The following TRIM9 variants were observed in gnomAD, a reference collection of about 807,000 sequenced individuals.
TRIM9 encodes the protein E3 ubiquitin-protein ligase TRIM9.
TRIM9 carries 26 observed loss-of-function variants against 78.3 expected under a neutral mutation model. That is an observed-to-expected ratio of 0.33 (90% CI 0.24 to 0.46). The LOEUF is 0.46. Ranked by LOEUF, TRIM9 falls within the 20% of genes least tolerant of loss-of-function variation. TRIM9 has a pLI of 1.00. For missense variants in TRIM9, 787 were observed against 1,036.4 expected, an observed-to-expected ratio of 0.76 and a Z score of 3.30; for synonymous variants, 398 against 416.5, an observed-to-expected ratio of 0.96 and a Z score of 0.54.
In TRIM9 at chr14:51,094,481, C is replaced by T; in HGVS notation, c.459G>A (p.Gly153=). 1 of 1,613,810 alleles carries T rather than the reference C, an allele frequency of 6.2e-7. No individual in the cohort carries two copies. Among genetic ancestry groups the T allele is most frequent in the Non-Finnish European group, 8.5e-7 (1 of 1,179,980 alleles). ...RGFPKNRVLE[G]VIDRYQQSKA... is the part of the protein sequence containing the mutation. ...TGCTCTGCTGGTAGCGGTCAATTAC[C>T]CCTTCCAGTACGCGATTCTTGGGGA... The change falls in exon 1 of 13, where the codon GGG becomes GGA. Residue 153 remains glycine (G), a synonymous_variant. Coordinates refer to ENST00000684578, the MANE Select transcript of TRIM9 (RefSeq NM_001387360.1).
Position 50,983,022 on chromosome 14 carries a change from T to C in TRIM9, c.1835-57A>G, listed in dbSNP as rs190805155. The C allele has an allele frequency of 8.6e-5, 130 of 1,506,110 alleles. 2 individuals carry two copies. The East Asian group carries it at 2.7e-3, about 32-fold the overall frequency. The allele number at this position is 1,506,110 out of a possible 1,614,324, so 93.3% of individuals were successfully genotyped here. A position where few individuals can be genotyped will look rare whatever the true frequency, so the allele number is the denominator to read the frequency against. On this transcript the variant is annotated intron_variant, in intron 9 of 12. Transcript: ENST00000684578. The stretch of plus-strand genomic sequence containing the variant: ...AGAGAGATAGGAAGCAAAATTGACA[T>C]GGATAAGAAAATGTGTCTCTCTTGA...
At position 51,026,754 on chromosome 14, in the gene TRIM9, T is replaced by C. The variant is rs185579907; in HGVS notation, c.823-1394A>G. Among the ~76,000 whole-genome samples, 83 of 150,974 alleles carry C rather than the reference T, an allele frequency of 5.5e-4. 1 individual carries two copies. In the East Asian group the frequency reaches 9.8e-3, roughly 18 times the overall value. On this transcript the variant is annotated intron_variant, in intron 1 of 12. Coordinates refer to ENST00000684578, the MANE Select transcript of TRIM9 (RefSeq NM_001387360.1). ...GCAATGTGGGATGGTAGAAAGAATA[T>C]AGGTTTGAAAGGGTGCAGATTCTCG...
intron 1 of TRIM9, among the ~76,000 whole-genome samples, chr14:51,062,097 A>C (rs540493181): frequency 6.6e-4 from 93 of 141,750 alleles, no homozygotes; most frequent in Non-Finnish European, 8.7e-4. Flanking sequence ...AAGTCCAATA[A>C]ATAAATTATT....
chr14:51,027,040 C>A (rs934374490), intron 1 of TRIM9, among the ~76,000 whole-genome samples: 1 of 151,596 alleles, frequency 6.6e-6, no homozygotes, highest in Non-Finnish European at 1.5e-5. Context: ...GTTTTGTGGG[C>A]ATTGCATAAG....
intron 1 of TRIM9, among the ~76,000 whole-genome samples, chr14:51,052,806 T>C (rs1476660426): frequency 6.6e-6 from 1 of 152,188 alleles, no homozygotes. Context: ...GTAGGTCTCC[T>C]CACTTTACTG....
At position 51,094,535 on chromosome 14, in the gene TRIM9, G is replaced by A. The variant is rs766994666; in HGVS notation, c.405C>T (p.Leu135=). The part of the protein sequence containing the change: ...CITCPQCHRS[L]ILDDRGLRGF... ...CGCGGAGCCCCCGGTCATCCAGGAT[G>A]AGGCTGCGGTGACACTGGGGGCAGG... is the stretch of plus-strand genomic sequence containing the variant. The change falls in exon 1 of 13, where the codon CTC becomes CTT. Residue 135 remains leucine (L), a synonymous_variant. Transcript: ENST00000684578. The A allele has an allele frequency of 6.2e-6, 10 of 1,613,314 alleles. No individual in the cohort carries two copies. Among genetic ancestry groups the A allele is most frequent in the African/African-American group, 2.7e-5 (2 of 74,940 alleles).
intron 1 of TRIM9, among the ~76,000 whole-genome samples, chr14:51,062,722 A>T (rs1306603393): frequency 1.3e-5 from 2 of 152,160 alleles, no homozygotes; most frequent in Non-Finnish European, 2.9e-5. Context: ...TCTGTATTTA[A>T]ATTCCACCTG....
intron 1 of TRIM9, among the ~76,000 whole-genome samples, chr14:51,031,176 AAAAG>A (rs373786798): frequency 6.5e-4 from 98 of 150,770 alleles, no homozygotes; most frequent in Non-Finnish European, 1.2e-3. Flanking sequence ...GAAAGAAAAG[AAAAG>A]AAAGAAAGAA....
chr14:51,052,491 G>A lies in TRIM9; in HGVS notation c.823-27131C>T, dbSNP rs563900328. Among the ~76,000 whole-genome samples the A allele has an allele frequency of 3.4e-4, 52 of 152,230 alleles. 1 individual carries two copies. Among genetic ancestry groups the A allele is most frequent in the African/African-American group, 1.0e-3 (43 of 41,548 alleles). ...ATTTTTGGCTGTTGTTGCTATTAGCGTCATTTAATTTATGTTTAATCCCTA... is the reference window on the plus strand; with the variant it reads ...ATTTTTGGCTGTTGTTGCTATTAGCATCATTTAATTTATGTTTAATCCCTA... On this transcript the variant is annotated intron_variant, in intron 1 of 12. Coordinates refer to ENST00000684578, the MANE Select transcript of TRIM9 (RefSeq NM_001387360.1).
intron 3 of TRIM9, among the ~76,000 whole-genome samples, chr14:51,015,508 T>TTC (rs1239348768): frequency 2.2e-5 from 1 of 46,494 alleles, no homozygotes; most frequent in African/African-American, 8.2e-5. Flanking sequence ...TACTTTTCTT[T>TTC]TTTTTTTTTT....
chr14:50,991,924 G>C (rs2053560650), intron 7 of TRIM9, among the ~76,000 whole-genome samples: 1 of 152,186 alleles, frequency 6.6e-6, no homozygotes, highest in South Asian at 2.1e-4. Flanking sequence ...GACTATTGCT[G>C]CTCCTTTGTA....
intron 1 of TRIM9, among the ~76,000 whole-genome samples, chr14:51,035,397 T>C (rs1480633669): frequency 6.6e-6 from 1 of 152,234 alleles, no homozygotes; most frequent in Admixed American, 6.5e-5. Flanking sequence ...TTTGAGTCTC[T>C]GAAAGAGTGC....
At chr14:51,062,102 ATTAT>A (rs34653117) in intron 1 of TRIM9, among the ~76,000 whole-genome samples, 29,815 of 151,424 alleles carry the variant, frequency 0.2, 3,065 homozygotes, top group Non-Finnish European at 0.24. Context: ...CAATAAATAA[ATTAT>A]TTATTTATGA....
Position 50,985,958 on chromosome 14 carries a change from G to C in TRIM9, c.1790C>G (p.Pro597Arg). The C allele has an allele frequency of 6.5e-7, 1 of 1,528,592 alleles. No individual in the cohort carries two copies. The highest frequency in any genetic ancestry group is 8.8e-7 in the Non-Finnish European group (1 of 1,135,758). 94.7% of individuals were successfully genotyped at this position (1,528,592 alleles called of 1,614,324 possible). Residue 597 changes from proline (P) to arginine (R), a missense_variant and splice_region_variant, in exon 8 of 13, where the codon CCG (proline) becomes CGG (arginine). Physicochemically the swap from Pro to Arg is moderately radical, Grantham distance 103 (BLOSUM62 -2). Coordinates refer to ENST00000684578, the MANE Select transcript of TRIM9 (RefSeq NM_001387360.1). Reference protein sequence around the residue: ...LHSSLQSLNAPGCNFETQSAP... With the variant: ...LHSSLQSLNARGCNFETQSAP... ...AAGGTCTGAGGAGCTCAGCTCACCCGGTGCATTGAGAGACTGTAAAGAGGA... is the reference window on the plus strand; with the variant it reads ...AAGGTCTGAGGAGCTCAGCTCACCCCGTGCATTGAGAGACTGTAAAGAGGA...
At chr14:51,031,730 G>A (rs1478495992) in intron 1 of TRIM9, among the ~76,000 whole-genome samples, 1 of 152,058 alleles carries the variant, frequency 6.6e-6, no homozygotes, top group African/African-American at 2.4e-5. Flanking sequence ...TTAGTGTCCA[G>A]CTAGTTAGTG....
In TRIM9 at chr14:50,998,062, G is replaced by A. The variant is rs1414802288; in HGVS notation, c.1591C>T (p.Gln531Ter). ...TGAAGGGCCTTACCCTCAGACGTTTGGAGGACCAGGGTCTTGCTGTACGGG... is the reference window on the plus strand; with the variant it reads ...TGAAGGGCCTTACCCTCAGACGTTTAGAGGACCAGGGTCTTGCTGTACGGG... ...VSPYSKTLVL[Q>*]TSEDTDSEEQ... Residue 531 changes from glutamine (Q) to a stop codon, truncating the protein, a stop_gained, in exon 7 of 13, where the codon CAA (glutamine) becomes TAA (stop). Transcript: ENST00000684578. LOFTEE classifies it high-confidence loss of function. The A allele has an allele frequency of 1.2e-6, 2 of 1,614,084 alleles. No individual in the cohort carries two copies. Among genetic ancestry groups the A allele is most frequent in the Non-Finnish European group, 1.7e-6 (2 of 1,180,042 alleles).
At chr14:51,004,047 A>G (rs1209760219) in intron 5 of TRIM9, among the ~76,000 whole-genome samples, 1 of 152,242 alleles carries the variant, frequency 6.6e-6, no homozygotes, top group Non-Finnish European at 1.5e-5. Flanking sequence ...AAAGGATAGC[A>G]TTACAGTTTC....
intron 4 of TRIM9, 73 bp from the exon 5 acceptor site, chr14:51,009,306 C>T (rs940608047): frequency 4.5e-6 from 7 of 1,571,336 alleles, no homozygotes; most frequent in South Asian, 1.2e-5. Flanking sequence ...CCCCTTGGCT[C>T]TCCAGGAGCA....
At chr14:51,087,553 T>C (rs2063881693) in intron 1 of TRIM9, among the ~76,000 whole-genome samples, 1 of 152,196 alleles carries the variant, frequency 6.6e-6, no homozygotes, top group Non-Finnish European at 1.5e-5. Context: ...GAGATGTCCT[T>C]TGGGCTGAAT....
Sources: allele counts gnomAD v4.1 joint callset (sites outside exome capture counted in the v4.1 genomes callset), GRCh38; gene constraint gnomAD v4.1.1; transcripts MANE v1.5; gene names NCBI Gene and HGNC (gene_info 2026-07-23, HGNC 2026-07-21).